Variants in AGTPBP1 observed in about 807,000 individuals in gnomAD.
The protein encoded by AGTPBP1 is ATP/GTP binding carboxypeptidase 1, also known as cytosolic carboxypeptidase 1.
A neutral mutation model predicts 143.9 loss-of-function variants in AGTPBP1; 70 were observed. The ratio of observed to expected loss-of-function variants is 0.49; its 90% CI spans 0.40 to 0.59. The LOEUF is 0.59. AGTPBP1 is among the 20% of genes least tolerant of loss of function. The probability of loss-of-function intolerance (pLI) is 0.00; values close to 1 mark genes in which losing one functional copy is unlikely to be tolerated. For missense variants in AGTPBP1, 1,229 were observed against 1,464.5 expected (o/e 0.84, Z 2.62); for synonymous variants, 463 against 500.2 (o/e 0.93, Z 0.99).
intron 14 of AGTPBP1, 110 bp downstream of exon 14, chr9:85,632,552 C>T: frequency 2.1e-6 from 2 of 956,898 alleles, no homozygotes; most frequent in East Asian, 5.3e-5. Context: ...AATACAGTAA[C>T]TTATAACTCA....
chr9:85,669,771 G>A (rs1416493710), intron 7 of AGTPBP1, among the ~76,000 whole-genome samples, 193 bp from the exon 8 acceptor site: 1 of 147,798 alleles, frequency 6.8e-6, no homozygotes, highest in Non-Finnish European at 1.5e-5. Context: ...GGAAAGTGCA[G>A]GGAAATTCTG....
chr9:85,780,145 T>C, the AGTPBP1 span, among the ~76,000 whole-genome samples: 1 of 152,028 alleles, frequency 6.6e-6, no homozygotes, highest in South Asian at 2.1e-4. Context: ...TTTATAAATA[T>C]GCCAGTAGGG....
Position 85,619,118 on chromosome 9 carries a change from G to A in AGTPBP1, c.2200C>T (p.Leu734Phe). Residue 734 changes from leucine (L) to phenylalanine (F), a missense_variant, in exon 17 of 26, where the codon CTT becomes TTT. Coordinates refer to ENST00000357081, the MANE Select transcript of AGTPBP1 (RefSeq NM_001330701.2). Reference sequence around the variant, plus strand: ...CTGTTTATGTCTGAGTTCAGAATAAGATCATATTCATTTCTGAAAATAGAA... The same window carrying A: ...CTGTTTATGTCTGAGTTCAGAATAAAATCATATTCATTTCTGAAAATAGAA... ...VIQIRKNEYD[L>F]ILNSDINSNH... The A allele has an allele frequency of 6.2e-7, 1 of 1,612,888 alleles. No homozygotes were observed. The highest frequency in any genetic ancestry group is 8.5e-7 in the Non-Finnish European group (1 of 1,179,358).
intron 8 of AGTPBP1, among the ~76,000 whole-genome samples, chr9:85,668,977 G>GTA (rs1335205250): frequency 2.4e-4 from 21 of 89,188 alleles, no homozygotes; most frequent in African/African-American, 3.2e-4. Context: ...ATGTGTGTGT[G>GTA]TGTGTGTGTG....
intron 21 of AGTPBP1, among the ~76,000 whole-genome samples, chr9:85,587,862 A>G (rs980212490): frequency 6.6e-6 from 1 of 152,110 alleles, no homozygotes; most frequent in African/African-American, 2.4e-5. Context: ...AGACCTCCTC[A>G]TATCAAGAAG....
At chr9:85,675,070 G>T (rs1834739709) in intron 6 of AGTPBP1, among the ~76,000 whole-genome samples, 1 of 151,886 alleles carries the variant, frequency 6.6e-6, no homozygotes, top group South Asian at 2.1e-4. Context: ...CTAATTTTTT[G>T]TATTTTTAGT....
At chr9:85,641,453 CTTTTT>C (rs148241036) in intron 13 of AGTPBP1, among the ~76,000 whole-genome samples, 1 of 149,472 alleles carries the variant, frequency 6.7e-6, no homozygotes, top group South Asian at 2.1e-4. Flanking sequence ...TTCCTGTCTT[CTTTTT>C]TTTTTCTTTT....
intron 2 of AGTPBP1, among the ~76,000 whole-genome samples, chr9:85,708,600 C>T (rs563834353): frequency 6.6e-6 from 1 of 152,352 alleles, no homozygotes; most frequent in South Asian, 2.1e-4. Context: ...TGCAATGGCA[C>T]TGTGTCGGCT....
chr9:85,775,510 T>C, the AGTPBP1 span, among the ~76,000 whole-genome samples: 1 of 147,090 alleles, frequency 6.8e-6, no homozygotes, highest in Non-Finnish European at 1.5e-5. Context: ...ATAGCATATA[T>C]ATATCATATA....
At chr9:85,756,595 G>A in the AGTPBP1 span, among the ~76,000 whole-genome samples, 5 of 152,122 alleles carry the variant, frequency 3.3e-5, no homozygotes, top group Non-Finnish European at 7.4e-5. Flanking sequence ...ATCTATCTCT[G>A]TATGTATTTC....
the AGTPBP1 span, among the ~76,000 whole-genome samples, chr9:85,757,282 G>A: frequency 2.0e-5 from 3 of 152,132 alleles, no homozygotes; most frequent in South Asian, 6.2e-4. Context: ...GGTCAGACTG[G>A]TCTCGAACTT....
chr9:85,590,805 C>T (rs1240090883), intron 19 of AGTPBP1, among the ~76,000 whole-genome samples: 1 of 152,042 alleles, frequency 6.6e-6, no homozygotes, highest in African/African-American at 2.4e-5. Flanking sequence ...GAGGATAGAA[C>T]AGGGCATTTC....
Position 85,633,008 on chromosome 9 carries a change from C to T in AGTPBP1, c.1669G>A (p.Asp557Asn). Residue 557 changes from aspartate (D) to asparagine (N), a missense_variant, in exon 14 of 26, where the codon GAC becomes AAC. Coordinates refer to ENST00000357081, the MANE Select transcript of AGTPBP1 (RefSeq NM_001330701.2). ...AGGACAGTAAGAGGAAGACTGCAGT[C>T]CTTCTTCATTTCTGCAGTAAAACCT... is the stretch of plus-strand genomic sequence containing the variant. ...APGFTAEMKK[D>N]CSLPLTVLTC... 2 of 1,614,078 alleles carry T rather than the reference C, an allele frequency of 1.2e-6. No homozygotes were observed. The highest frequency in any genetic ancestry group is 1.1e-5 in the South Asian group (1 of 91,076).
Position 85,712,513 on chromosome 9 carries a change from T to C in AGTPBP1, c.21A>G (p.Ile7Met), listed in dbSNP as rs1364916796. The C allele has an allele frequency of 6.7e-7, 1 of 1,501,040 alleles. No homozygotes were observed. 93.0% of individuals were successfully genotyped at this position (1,501,040 alleles called of 1,614,324 possible). Residue 7 changes from isoleucine to methionine, a missense_variant, in exon 2 of 26, where the codon ATA becomes ATG. Coordinates refer to ENST00000357081, the MANE Select transcript of AGTPBP1 (RefSeq NM_001330701.2). The stretch of plus-strand genomic sequence containing the variant: ...CAGAATTACAGTACCTTTTTTCTGG[T>C]ATCACTTTTAACTTGCTCATCTTGA... MSKLKV[I>M]PEKSLTNNSR...
At position 85,619,199 on chromosome 9, in the gene AGTPBP1, A is replaced by G; in HGVS notation, c.2186+16T>C. Reference sequence around the variant, plus strand: ...ATCTGTGCACATACAAAATGAGAAAATCTTAAGTGACTTACTTTCTAATTT... The same window carrying G: ...ATCTGTGCACATACAAAATGAGAAAGTCTTAAGTGACTTACTTTCTAATTT... On this transcript the variant is annotated intron_variant, in intron 16 of 25. Transcript: ENST00000357081. 1 of 1,610,420 alleles carries G rather than the reference A, an allele frequency of 6.2e-7. No homozygotes were observed.
intron 1 of AGTPBP1, among the ~76,000 whole-genome samples, chr9:85,737,664 G>A (rs1823892957): frequency 6.6e-6 from 1 of 152,140 alleles, no homozygotes; most frequent in South Asian, 2.1e-4. Flanking sequence ...AAATGACCAA[G>A]GAATGATGTT....
chr9:85,732,682 G>A (rs1486636759), intron 1 of AGTPBP1, among the ~76,000 whole-genome samples: 1 of 152,064 alleles, frequency 6.6e-6, no homozygotes, highest in African/African-American at 2.4e-5. Flanking sequence ...AAAACACAAA[G>A]ACTGGCAGAA....
At chr9:85,720,737 T>G (rs1164678155) in intron 1 of AGTPBP1, among the ~76,000 whole-genome samples, 1 of 152,184 alleles carries the variant, frequency 6.6e-6, no homozygotes, top group East Asian at 1.9e-4. Flanking sequence ...GCTTCTCTAG[T>G]CCTTTTAATT....
At chr9:85,691,536 G>GGGGTGTGTGT (rs147512485) in intron 3 of AGTPBP1, among the ~76,000 whole-genome samples, 203 of 144,544 alleles carry the variant, frequency 1.4e-3, no homozygotes, top group African/African-American at 4.5e-3. Flanking sequence ...AAAAAAAGAG[G>GGGGTGTGTGT]GTGTGTGTGT....
Sources: gnomAD v4.1 joint callset for allele counts (sites outside exome capture counted in the v4.1 genomes callset) on GRCh38, gnomAD v4.1.1 for gene constraint, MANE v1.5 for transcripts, NCBI Gene and HGNC (gene_info 2026-07-23, HGNC 2026-07-21) for gene names.